NOP9: variants seen among roughly 807,000 people sequenced by gnomAD.
NOP9 encodes the protein NOP9 nucleolar protein.
A neutral mutation model predicts 63.0 loss-of-function variants in NOP9; 50 were observed. The ratio of observed to expected loss-of-function variants is 0.79; its 90% CI spans 0.63 to 1.00. NOP9 has a LOEUF of 1.00. NOP9 is among the 50% of genes least tolerant of loss of function. The probability of loss-of-function intolerance (pLI) is 0.00; values close to 1 mark genes in which losing one functional copy is unlikely to be tolerated. For synonymous variants in NOP9, 343 were observed against 332.8 expected (o/e 1.03, Z -0.33); for missense variants, 758 against 803.0 (o/e 0.94, Z 0.68).
the NOP9 span, among the ~76,000 whole-genome samples, chr14:24,278,216 G>A: frequency 6.6e-6 from 1 of 152,170 alleles, no homozygotes; most frequent in Non-Finnish European, 1.5e-5. Flanking sequence ...CATACCTGGA[G>A]GTGGGGCCAG....
At position 24,305,718 on chromosome 14, in the gene NOP9, A is replaced by T. The variant is rs1204247527; in HGVS notation, c.*623A>T. The T allele has an allele frequency of 1.2e-6, 2 of 1,614,208 alleles. No homozygotes were observed. Among genetic ancestry groups the T allele is most frequent in the Non-Finnish European group, 1.7e-6 (2 of 1,180,030 alleles). On this transcript the variant is annotated 3_prime_UTR_variant, in exon 10 of 10. Coordinates refer to ENST00000267425, the MANE Select transcript of NOP9 (RefSeq NM_174913.3). ...AAGGGTGGAGGAAATTCCCAGCAAC[A>T]TATGGCCCAGGCCTTGCAGCAGTGT...
chr14:24,275,600 C>T, the NOP9 span, among the ~76,000 whole-genome samples: 2 of 152,198 alleles, frequency 1.3e-5, no homozygotes, highest in Non-Finnish European at 2.9e-5. Flanking sequence ...CTTACAATGG[C>T]TCCAGGACCC....
In NOP9 at chr14:24,307,296, T is replaced by A; in HGVS notation, c.*2201T>A. Reference sequence around the variant, plus strand: ...TGTGTGACTTCAGCCCTCTGCTCCATCATCACAAGTTGCCACTGTTGTGGA... The same window carrying A: ...TGTGTGACTTCAGCCCTCTGCTCCAACATCACAAGTTGCCACTGTTGTGGA... On this transcript the variant is annotated 3_prime_UTR_variant, in exon 10 of 10. Coordinates refer to ENST00000267425, the MANE Select transcript of NOP9 (RefSeq NM_174913.3). The A allele has an allele frequency of 6.7e-7, 1 of 1,497,140 alleles. No individual in the cohort carries two copies. The highest frequency in any genetic ancestry group is 9.1e-7 in the Non-Finnish European group (1 of 1,099,330). 92.7% of individuals were successfully genotyped at this position (1,497,140 alleles called of 1,614,324 possible). A position where few individuals can be genotyped will look rare whatever the true frequency, so the allele number is the denominator to read the frequency against.
chr14:24,306,388 A>G lies in NOP9; in HGVS notation c.*1293A>G. On this transcript the variant is annotated 3_prime_UTR_variant, in exon 10 of 10. Coordinates refer to ENST00000267425, the MANE Select transcript of NOP9 (RefSeq NM_174913.3). ...AGGCCTCTTACCCTTGTAGGGCTCC[A>G]GCTCTGACCAGACTGCAACACCATC... 1.2e-6 allele frequency: 2 copies of G among 1,614,230 alleles called. No homozygotes were observed. The highest frequency in any genetic ancestry group is 1.7e-6 in the Non-Finnish European group (2 of 1,180,032).
chr14:24,284,528 CA>C, the NOP9 span, among the ~76,000 whole-genome samples: 3 of 151,616 alleles, frequency 2.0e-5, no homozygotes, highest in South Asian at 6.2e-4. Flanking sequence ...CAGTAGGGCC[CA>C]GGGGAGTGCG....
the NOP9 span, among the ~76,000 whole-genome samples, chr14:24,290,377 G>A: frequency 1.7e-3 from 254 of 152,354 alleles, 6 homozygotes; most frequent in East Asian, 0.047. Context: ...TGGAAAACCA[G>A]TGTGAGACTG....
upstream of NOP9, chr14:24,298,811 G>C (rs2041309631): frequency 4.8e-6 from 5 of 1,032,962 alleles, no homozygotes; most frequent in South Asian, 1.2e-4. Context: ...AGTTATTTAC[G>C]GGGTTTTTAA....
At position 24,306,488 on chromosome 14, in the gene NOP9, G is replaced by A. The variant is rs774123412; in HGVS notation, c.*1393G>A. 9.3e-6 allele frequency: 15 copies of A among 1,614,094 alleles called. No homozygotes were observed. The highest frequency in any genetic ancestry group is 1.3e-5 in the Non-Finnish European group (15 of 1,180,034). The stretch of plus-strand genomic sequence containing the variant: ...CAGTTCCATCCTCCTCTAGCACCAG[G>A]GTTAGCACTCCATTCAGCAGTAGGG... On this transcript the variant is annotated 3_prime_UTR_variant, in exon 10 of 10. Transcript: ENST00000267425.
At chr14:24,294,726 T>C in the NOP9 span, 1 of 152,162 alleles carries the variant, frequency 6.6e-6, no homozygotes. Context: ...TGATCTCTTA[T>C]AAATTAATGC....
Position 24,300,182 on chromosome 14 carries a change from C to G in NOP9, c.228C>G (p.Pro76=). ...CGCTGTCAGCATTGAAAGAGGCTCC[C>G]GAGACTGGGGAAGAACGAGGTAGGC... is the stretch of plus-strand genomic sequence containing the variant. The part of the protein sequence containing the change: ...RRALSALKEA[P]ETGEERDLMV... Residue 76 remains proline (P), a synonymous_variant, in exon 1 of 10, where the codon CCC becomes CCG. Coordinates refer to ENST00000267425, the MANE Select transcript of NOP9 (RefSeq NM_174913.3). 6.2e-7 allele frequency: 1 copy of G among 1,614,036 alleles called. No homozygotes were observed. The highest frequency in any genetic ancestry group is 8.5e-7 in the Non-Finnish European group (1 of 1,179,940).
At chr14:24,283,095 G>T in the NOP9 span, among the ~76,000 whole-genome samples, 1 of 152,222 alleles carries the variant, frequency 6.6e-6, no homozygotes. Context: ...GCACAAGGCT[G>T]TATCCCTAGG....
chr14:24,272,035 A>G, the NOP9 span, among the ~76,000 whole-genome samples: 1 of 151,964 alleles, frequency 6.6e-6, no homozygotes, highest in African/African-American at 2.4e-5. Flanking sequence ...AATGTTGGTG[A>G]TCTCCAGGGC....
At chr14:24,297,516 T>A (rs1459850350), upstream of NOP9, among the ~76,000 whole-genome samples, 2 of 152,222 alleles carry the variant, frequency 1.3e-5, no homozygotes, top group Admixed American at 1.3e-4. Context: ...CCTCCTTGCC[T>A]GAACTACTGC....
At chr14:24,289,506 C>T in the NOP9 span, among the ~76,000 whole-genome samples, 3 of 152,170 alleles carry the variant, frequency 2.0e-5, no homozygotes, top group African/African-American at 4.8e-5. Context: ...ACATAGGCAA[C>T]TGCCTGTGCT....
the NOP9 span, among the ~76,000 whole-genome samples, chr14:24,279,424 C>T: frequency 5.3e-5 from 8 of 152,196 alleles, no homozygotes; most frequent in East Asian, 7.7e-4. Flanking sequence ...AGCACACTTC[C>T]TGGCTGGGGA....
Position 24,302,242 on chromosome 14 carries a change from C to T in NOP9, c.961C>T (p.Leu321=). ...CCTTCTTGTCCCTAGTCCCCTACTG[C>T]TATTTCTCCGAGATCAGACGAGTTC... ...GSSVDGSPLL[L]FLRDQTSSRL... Residue 321 remains leucine (L), a synonymous_variant, in exon 5 of 10, where the codon CTA becomes TTA. Transcript: ENST00000267425. 2 of 1,612,038 alleles carry T rather than the reference C, an allele frequency of 1.2e-6. No homozygotes were observed. The highest frequency in any genetic ancestry group is 1.7e-6 in the Non-Finnish European group (2 of 1,178,268).
At chr14:24,296,967 C>T, upstream of NOP9, 2 of 1,577,408 alleles carry the variant, frequency 1.3e-6, no homozygotes, top group Non-Finnish European at 1.7e-6. Flanking sequence ...GGCTTGAGAA[C>T]TGAGAAGACA....
the NOP9 span, among the ~76,000 whole-genome samples, chr14:24,276,500 G>GGCTGGTCTCCAACT: frequency 6.6e-6 from 1 of 152,074 alleles, no homozygotes; most frequent in Non-Finnish European, 1.5e-5. Flanking sequence ...ATATTGCCCA[G>GGCTGGTCTCCAACT]GCTGGTCTCC....
At chr14:24,284,955 C>T in the NOP9 span, among the ~76,000 whole-genome samples, 1 of 152,148 alleles carries the variant, frequency 6.6e-6, no homozygotes, top group Non-Finnish European at 1.5e-5. Flanking sequence ...CTCATGGGCC[C>T]AAAGGGGACT....
Sources: gnomAD v4.1 joint callset for allele counts (sites outside exome capture counted in the v4.1 genomes callset) on GRCh38, gnomAD v4.1.1 for gene constraint, MANE v1.5 for transcripts, NCBI Gene and HGNC (gene_info 2026-07-23, HGNC 2026-07-21) for gene names.